Variants in CMTM8 observed in about 807,000 individuals in gnomAD.
The protein encoded by CMTM8 is CKLF like MARVEL transmembrane domain containing 8.
A neutral mutation model predicts 18.6 loss-of-function variants in CMTM8; 12 were observed. That is an observed-to-expected ratio of 0.65 (90% CI 0.41 to 1.05). The LOEUF is 1.05. CMTM8 is among the 50% of genes least tolerant of loss of function. The pLI is 0.00. For missense variants in CMTM8, 217 were observed against 227.2 expected, an observed-to-expected ratio of 0.95 and a Z score of 0.29; for synonymous variants, 87 against 90.6, an observed-to-expected ratio of 0.96 and a Z score of 0.23.
intron 1 of CMTM8, among the ~76,000 whole-genome samples, chr3:32,316,218 G>A (rs558041058): frequency 3.3e-5 from 5 of 151,602 alleles, no homozygotes; most frequent in South Asian, 2.1e-4. Context: ...TAGTAGAGAC[G>A]GGGTTTCACT....
Position 32,358,728 on chromosome 3 carries a change from T to TGTA in CMTM8, c.321+1182_321+1183insGTA, listed in dbSNP as rs1182002380. Reference sequence around the variant, plus strand: ...AAATCCAAAAGTAAGGACTCTTTATTAAGATTTTCAAGAAAGCGTTGCAAG... The same window carrying TGTA: ...AAATCCAAAAGTAAGGACTCTTTATTGTAAAGATTTTCAAGAAAGCGTTGCAAG... On this transcript the variant is annotated intron_variant, in intron 2 of 3. Coordinates refer to ENST00000307526, the MANE Select transcript of CMTM8 (RefSeq NM_178868.5). This position sits in a 1 kb window ranked among gnomAD's most constrained non-coding sequence, Gnocchi z 4.1. Among the ~76,000 whole-genome samples, 14 of 152,202 alleles carry TGTA rather than the reference T, an allele frequency of 9.2e-5. No individual in the cohort carries two copies. The highest frequency in any genetic ancestry group is 1.3e-4 in the Non-Finnish European group (9 of 68,030).
intron 1 of CMTM8, among the ~76,000 whole-genome samples, chr3:32,314,685 G>A (rs1408789957): frequency 6.6e-6 from 1 of 152,044 alleles, no homozygotes; most frequent in Non-Finnish European, 1.5e-5. Context: ...TACTGTGTGG[G>A]CCAGGCTGGT....
intron 1 of CMTM8, among the ~76,000 whole-genome samples, chr3:32,332,614 A>G (rs1242728426): frequency 6.6e-6 from 1 of 152,146 alleles, no homozygotes; most frequent in Non-Finnish European, 1.5e-5. Flanking sequence ...GTGCCTTCTA[A>G]TGCTGTCCTT....
At position 32,239,121 on chromosome 3, in the gene CMTM8, T is replaced by G. The variant is rs1220388002; in HGVS notation, c.147+2T>G. On this transcript the variant is annotated splice_donor_variant, in intron 1 of 3. Coordinates refer to ENST00000307526, the MANE Select transcript of CMTM8 (RefSeq NM_178868.5). LOFTEE classifies it high-confidence loss of function. ...GGCTTCCTCATCGTGGCCGAGATCG[T>G]GAGTGCCGACGGGCCGGGGGTGGCG... The G allele has an allele frequency of 1.9e-6, 3 of 1,596,320 alleles. No homozygotes were observed.
chr3:32,322,027 A>T (rs957919904), intron 1 of CMTM8, among the ~76,000 whole-genome samples: 1 of 152,258 alleles, frequency 6.6e-6, no homozygotes, highest in African/African-American at 2.4e-5. Flanking sequence ...ACCGTTCATT[A>T]TCTGGCCCTG....
Position 32,259,993 on chromosome 3 carries a change from C to T in CMTM8, c.147+20874C>T, listed in dbSNP as rs972207821. On this transcript the variant is annotated intron_variant, in intron 1 of 3. Coordinates refer to ENST00000307526, the MANE Select transcript of CMTM8 (RefSeq NM_178868.5). ...ACCTGGAGTCAGAGCTGGCACTGAC[C>T]CAGGCAGAGGGACAGCACCAGGCCC... The T allele has an allele frequency of 1.3e-5, 14 of 1,106,850 alleles. No homozygotes were observed. The African/African-American group carries it at 2.2e-4, about 17-fold the overall frequency. The allele number at this position is 1,106,850 out of a possible 1,614,324, so 68.6% of individuals were successfully genotyped here.
chr3:32,284,957 T>G (rs1219300656), intron 1 of CMTM8, among the ~76,000 whole-genome samples: 1 of 152,166 alleles, frequency 6.6e-6, no homozygotes, highest in Non-Finnish European at 1.5e-5. Flanking sequence ...AAAACTGAAG[T>G]CCTGACTTTG....
At chr3:32,363,846 A>G (rs1403531229) in intron 2 of CMTM8, among the ~76,000 whole-genome samples, 3 of 151,890 alleles carry the variant, frequency 2.0e-5, no homozygotes, top group Admixed American at 6.6e-5. Context: ...TGCTGATACC[A>G]CTCCTGCACT....
intron 1 of CMTM8, among the ~76,000 whole-genome samples, chr3:32,249,274 G>A (rs55658190): frequency 6.6e-6 from 1 of 150,486 alleles, no homozygotes; most frequent in African/African-American, 2.5e-5. Flanking sequence ...ACAAAAAATA[G>A]AAAAAATTAG....
chr3:32,270,164 C>T (rs1702415404), intron 1 of CMTM8, among the ~76,000 whole-genome samples: 1 of 152,198 alleles, frequency 6.6e-6, no homozygotes, highest in Non-Finnish European at 1.5e-5. Context: ...TCAAGCAATC[C>T]TCCTGCCTTG....
intron 1 of CMTM8, among the ~76,000 whole-genome samples, chr3:32,347,615 G>A (rs1179444919): frequency 1.3e-5 from 2 of 152,140 alleles, no homozygotes; most frequent in African/African-American, 2.4e-5. Flanking sequence ...TTGCCTCTCA[G>A]TGAAGTTTCC....
In CMTM8 at chr3:32,238,727, C is replaced by T. The variant is rs1210160046; in HGVS notation, c.-246C>T. 2 of 233,976 alleles carry T rather than the reference C, an allele frequency of 8.5e-6. No individual in the cohort carries two copies. Among genetic ancestry groups the T allele is most frequent in the African/African-American group, 4.6e-5 (2 of 43,294 alleles). The allele number at this position is 233,976 out of a possible 1,614,324, so 14.5% of individuals were successfully genotyped here. On this transcript the variant is annotated 5_prime_UTR_variant, in exon 1 of 4. Coordinates refer to ENST00000307526, the MANE Select transcript of CMTM8 (RefSeq NM_178868.5). Reference sequence around the variant, plus strand: ...GCCCGGCAGCCTCCCCTCGCTCGCTCTCCTCTTCCTCTAGGGCCCCAGCGC... The same window carrying T: ...GCCCGGCAGCCTCCCCTCGCTCGCTTTCCTCTTCCTCTAGGGCCCCAGCGC...
chr3:32,362,231 C>T (rs6777488), intron 2 of CMTM8, among the ~76,000 whole-genome samples: 140,861 of 151,656 alleles, frequency 0.93, 65,721 homozygotes, highest in South Asian at 0.97. Flanking sequence ...TTAGTAGAGA[C>T]GGGGTTTCAC....
chr3:32,302,718 G>A (rs1400880619), intron 1 of CMTM8, among the ~76,000 whole-genome samples: 1 of 152,176 alleles, frequency 6.6e-6, no homozygotes, highest in Non-Finnish European at 1.5e-5. Flanking sequence ...TTGAGGAGGT[G>A]AGGGATCTGT....
At chr3:32,264,133 C>T (rs898394755) in intron 1 of CMTM8, among the ~76,000 whole-genome samples, 2 of 152,076 alleles carry the variant, frequency 1.3e-5, no homozygotes, top group African/African-American at 4.8e-5. Flanking sequence ...AGAGCAACTC[C>T]AAGACACATA....
chr3:32,290,964 T>C (rs1363740286), intron 1 of CMTM8, among the ~76,000 whole-genome samples: 1 of 152,132 alleles, frequency 6.6e-6, no homozygotes, highest in Admixed American at 6.5e-5. Context: ...CCCAGGCTGG[T>C]CTTGAACTCT....
intron 1 of CMTM8, among the ~76,000 whole-genome samples, chr3:32,286,246 T>C (rs192054592): frequency 6.6e-6 from 1 of 152,322 alleles, no homozygotes; most frequent in African/African-American, 2.4e-5. Context: ...CTTAAAATCT[T>C]TTAAATTGCA....
At chr3:32,333,540 A>G (rs1696321832) in intron 1 of CMTM8, among the ~76,000 whole-genome samples, 1 of 150,302 alleles carries the variant, frequency 6.7e-6, no homozygotes, top group African/African-American at 2.5e-5. Context: ...ATCCTTTCTC[A>G]TTTAGCACTC....
intron 1 of CMTM8, among the ~76,000 whole-genome samples, chr3:32,355,444 A>C (rs780714291): frequency 1.3e-5 from 2 of 152,160 alleles, no homozygotes; most frequent in Admixed American, 6.5e-5. Flanking sequence ...CTAATCCATT[A>C]AAGTACCATC....
Sources: gnomAD v4.1 joint callset for allele counts (sites outside exome capture counted in the v4.1 genomes callset) on GRCh38, gnomAD v4.1.1 for gene constraint, Gnocchi (gnomAD v3.1) non-coding constraint, MANE v1.5 for transcripts, NCBI Gene and HGNC (gene_info 2026-07-23, HGNC 2026-07-21) for gene names.